ATRNL1: variants seen among roughly 807,000 people sequenced by gnomAD.
The protein encoded by ATRNL1 is attractin-like protein 1.
Under a neutral mutation model 182.7 loss-of-function variants are expected in ATRNL1, and 95 were observed. The observed-to-expected ratio is 0.52, with a 90% confidence interval of 0.44 to 0.62. ATRNL1 has a LOEUF of 0.62. Among genes scored for constraint, ATRNL1 ranks in the 20% least tolerant of loss-of-function variants. The pLI, the probability that ATRNL1 is intolerant of heterozygous loss-of-function variation, is 0.00. For missense variants in ATRNL1, 1,471 were observed against 1,679.5 expected (o/e 0.88, Z 2.17); for synonymous variants, 576 against 568.3 (o/e 1.01, Z -0.19).
intron 20 of ATRNL1, among the ~76,000 whole-genome samples, chr10:115,417,495 C>G (rs1266751000): frequency 6.6e-6 from 1 of 152,216 alleles, no homozygotes; most frequent in African/African-American, 2.4e-5. Context: ...CAGCTCCCCC[C>G]ACTGTAGTCA....
intron 10 of ATRNL1, among the ~76,000 whole-genome samples, chr10:115,255,345 TC>T (rs1851074752): frequency 6.6e-6 from 1 of 152,220 alleles, no homozygotes; most frequent in Non-Finnish European, 1.5e-5. Context: ...TGAAGAGAAC[TC>T]CTTCACATCC....
chr10:115,392,934 T>C (rs1844101352), intron 19 of ATRNL1, among the ~76,000 whole-genome samples: 1 of 152,190 alleles, frequency 6.6e-6, no homozygotes, highest in Admixed American at 6.6e-5. Context: ...AGTAACTGTT[T>C]CTATTTGTCC....
chr10:115,764,261 C>G (rs1011678053), intron 27 of ATRNL1, among the ~76,000 whole-genome samples: 26 of 152,164 alleles, frequency 1.7e-4, no homozygotes, highest in African/African-American at 6.3e-4. Context: ...ATCAGCATCC[C>G]CACCAGAGTG....
rs183288000 is a variant in ATRNL1 at position 115,376,961 on chromosome 10, C to G, written c.3176-17698C>G. Among the ~76,000 whole-genome samples the G allele has an allele frequency of 5.7e-4, 87 of 152,100 alleles. 1 individual carries two copies. The East Asian group carries it at 0.014, about 24-fold the overall frequency. On this transcript the variant is annotated intron_variant, in intron 19 of 28. Coordinates refer to ENST00000355044, the MANE Select transcript of ATRNL1 (RefSeq NM_207303.4). ...TTCAAATGATCTATCTCTGAGTTTGCTAATTTTTTTCTTGTGTATGATTGA... is the reference window on the plus strand; with the variant it reads ...TTCAAATGATCTATCTCTGAGTTTGGTAATTTTTTTCTTGTGTATGATTGA...
intron 28 of ATRNL1, among the ~76,000 whole-genome samples, chr10:115,901,743 GAAA>G (rs562327427): frequency 0.016 from 915 of 58,078 alleles, 6 homozygotes; most frequent in African/African-American, 0.035. Flanking sequence ...GAACTGAGAA[GAAA>G]AAAAAAAAAA....
chr10:115,135,009 T>A (rs1554876244), intron 5 of ATRNL1, among the ~76,000 whole-genome samples: 1 of 151,944 alleles, frequency 6.6e-6, no homozygotes, highest in Non-Finnish European at 1.5e-5. Context: ...AAACTCTCAA[T>A]AAATTCGGTA....
Position 115,262,116 on chromosome 10 carries a change from T to C in ATRNL1, c.1688-3077T>C, listed in dbSNP as rs187683018. Among the ~76,000 whole-genome samples, 89 of 150,806 alleles carry C rather than the reference T, an allele frequency of 5.9e-4. 1 individual carries two copies. The highest frequency in any genetic ancestry group is 1.2e-3 in the Non-Finnish European group (80 of 67,718). The stretch of plus-strand genomic sequence containing the variant: ...ACTCTTTATAGCTGTTTATTTAGAA[T>C]TAAAAGTGCTTACCTCCATGATTCT... On this transcript the variant is annotated intron_variant, in intron 10 of 28. Coordinates refer to ENST00000355044, the MANE Select transcript of ATRNL1 (RefSeq NM_207303.4).
intron 5 of ATRNL1, among the ~76,000 whole-genome samples, chr10:115,146,785 A>G (rs1220919363): frequency 6.9e-6 from 1 of 144,770 alleles, no homozygotes; most frequent in Non-Finnish European, 1.5e-5. Context: ...TGTTGCTACA[A>G]ATGACATGAT....
At chr10:115,197,823 C>T (rs1294997371) in intron 8 of ATRNL1, among the ~76,000 whole-genome samples, 10 of 152,112 alleles carry the variant, frequency 6.6e-5, no homozygotes, top group South Asian at 2.1e-4. Flanking sequence ...TGAGCCCGCA[C>T]GTAAGTGGGC....
At chr10:115,347,561 A>G (rs151111239) in intron 19 of ATRNL1, among the ~76,000 whole-genome samples, 39 of 152,220 alleles carry the variant, frequency 2.6e-4, no homozygotes, top group African/African-American at 8.7e-4. Flanking sequence ...TAAAATTCAA[A>G]GTGCATGCCG....
At chr10:115,314,991 T>C (rs1266776933) in intron 17 of ATRNL1, among the ~76,000 whole-genome samples, 4 of 152,186 alleles carry the variant, frequency 2.6e-5, no homozygotes, top group Non-Finnish European at 4.4e-5. Flanking sequence ...CATCACATAG[T>C]AGCCAAATAC....
chr10:115,161,932 C>G (rs1592192279), intron 6 of ATRNL1, among the ~76,000 whole-genome samples: 4 of 151,934 alleles, frequency 2.6e-5, no homozygotes. Context: ...CATTTTAAGA[C>G]AAATTATTCA....
At chr10:115,668,090 C>T (rs1861105698) in intron 26 of ATRNL1, among the ~76,000 whole-genome samples, 1 of 152,072 alleles carries the variant, frequency 6.6e-6, no homozygotes, top group Admixed American at 6.6e-5. Flanking sequence ...TAGCCATATC[C>T]ACCATTGAAA....
chr10:115,192,931 A>G (rs1848224001), intron 8 of ATRNL1, among the ~76,000 whole-genome samples: 1 of 151,992 alleles, frequency 6.6e-6, no homozygotes, highest in African/African-American at 2.4e-5. Context: ...GTATCCCTGC[A>G]ACATTACTGG....
chr10:115,830,808 T>TGGCC (rs1275705680), intron 27 of ATRNL1, among the ~76,000 whole-genome samples: 3 of 152,170 alleles, frequency 2.0e-5, no homozygotes, highest in African/African-American at 7.2e-5. Flanking sequence ...TATGTGCCTT[T>TGGCC]GGCCAGTTGT....
chr10:115,895,421 C>T (rs1204259010), intron 28 of ATRNL1, among the ~76,000 whole-genome samples: 5 of 152,206 alleles, frequency 3.3e-5, no homozygotes, highest in Non-Finnish European at 7.3e-5. Context: ...CTCATCCTGC[C>T]GTTCTAATGT....
chr10:115,494,955 C>G (rs1592738073), intron 24 of ATRNL1, among the ~76,000 whole-genome samples: 2 of 152,100 alleles, frequency 1.3e-5, no homozygotes, highest in Admixed American at 6.6e-5. Flanking sequence ...GTCTGTGAAT[C>G]TGTCTGGTCT....
intron 27 of ATRNL1, among the ~76,000 whole-genome samples, chr10:115,820,839 G>A (rs955460443): frequency 1.3e-5 from 2 of 151,988 alleles, no homozygotes; most frequent in African/African-American, 2.4e-5. Context: ...GTTTGGCTCC[G>A]TGTCCCCACC....
intron 24 of ATRNL1, among the ~76,000 whole-genome samples, chr10:115,474,396 G>A (rs574523492): frequency 2.6e-5 from 4 of 151,404 alleles, no homozygotes; most frequent in Non-Finnish European, 4.4e-5. Context: ...GAGTTTTTAC[G>A]ATTGGATTAT....
Sources: gnomAD v4.1 joint callset for allele counts (sites outside exome capture counted in the v4.1 genomes callset) on GRCh38, gnomAD v4.1.1 for gene constraint, MANE v1.5 for transcripts, NCBI Gene and HGNC (gene_info 2026-07-23, HGNC 2026-07-21) for gene names.